Variants in RBFOX1 observed in about 807,000 individuals in gnomAD.
RBFOX1 encodes the protein RNA binding protein fox-1 homolog 1.
A neutral mutation model predicts 57.7 loss-of-function variants in RBFOX1; 8 were observed. The ratio of observed to expected loss-of-function variants is 0.14; its 90% CI spans 0.08 to 0.25. The LOEUF (loss-of-function observed/expected upper bound fraction) is 0.25. Ranked by LOEUF, RBFOX1 falls within the 10% of genes least tolerant of loss-of-function variation. The probability of loss-of-function intolerance (pLI) is 1.00; values close to 1 mark genes in which losing one functional copy is unlikely to be tolerated. For synonymous variants in RBFOX1, 326 were observed against 222.4 expected (o/e 1.47, Z -4.15); for missense variants, 611 against 548.5 (o/e 1.11, Z -1.14).
intron 4 of RBFOX1, among the ~76,000 whole-genome samples, chr16:7,429,300 A>T (rs2149538200): frequency 6.6e-6 from 1 of 152,244 alleles, no homozygotes; most frequent in East Asian, 1.9e-4. Flanking sequence ...GCACTCAGGG[A>T]TCTCAAGGAC....
intron 2 of RBFOX1, among the ~76,000 whole-genome samples, chr16:6,642,453 G>C (rs1225004233): frequency 1.3e-5 from 2 of 152,004 alleles, no homozygotes; most frequent in Non-Finnish European, 2.9e-5. Context: ...CCTGAAACAG[G>C]GATGCCGTTC....
intron 2 of RBFOX1, among the ~76,000 whole-genome samples, chr16:5,525,255 G>C (rs2044194425): frequency 6.6e-6 from 1 of 152,050 alleles, no homozygotes; most frequent in Admixed American, 6.6e-5. Flanking sequence ...CTGTTCCTCA[G>C]CTGAGAAGAC....
intron 13 of RBFOX1, among the ~76,000 whole-genome samples, chr16:7,665,169 G>T (rs1597598270): frequency 2.6e-5 from 4 of 152,122 alleles, no homozygotes; most frequent in Admixed American, 2.6e-4. Context: ...TTAGTGGGGT[G>T]GAATTAACCC....
At chr16:6,310,790 A>G (rs1049519581) in intron 1 of RBFOX1, among the ~76,000 whole-genome samples, 5 of 152,028 alleles carry the variant, frequency 3.3e-5, no homozygotes, top group African/African-American at 1.2e-4. Context: ...GAGTCTATAG[A>G]GATGCTAACT....
At chr16:7,058,454 A>G (rs1292032957) in intron 4 of RBFOX1, among the ~76,000 whole-genome samples, 4 of 152,210 alleles carry the variant, frequency 2.6e-5, no homozygotes, top group African/African-American at 9.6e-5. Context: ...GCCTACTGAG[A>G]TAAAATCTAG....
intron 2 of RBFOX1, among the ~76,000 whole-genome samples, chr16:5,507,222 C>T (rs915051850): frequency 7.2e-5 from 11 of 152,230 alleles, no homozygotes; most frequent in South Asian, 4.2e-4. Flanking sequence ...CCAACCACTG[C>T]GGCCACCATG....
chr16:5,719,899 A>T (rs1419056234), intron 3 of RBFOX1, among the ~76,000 whole-genome samples: 1 of 152,086 alleles, frequency 6.6e-6, no homozygotes, highest in African/African-American at 2.4e-5. Flanking sequence ...GCATGTTTTG[A>T]CTTCTCTCGA....
At chr16:5,564,085 C>A (rs1312723520) in intron 2 of RBFOX1, among the ~76,000 whole-genome samples, 1 of 152,034 alleles carries the variant, frequency 6.6e-6, no homozygotes, top group Non-Finnish European at 1.5e-5. Flanking sequence ...GCGATCTCAG[C>A]TCACTTCAAC....
intron 4 of RBFOX1, among the ~76,000 whole-genome samples, chr16:6,008,421 T>C (rs2094939953): frequency 6.6e-6 from 1 of 151,900 alleles, no homozygotes; most frequent in African/African-American, 2.4e-5. Context: ...ACTAAGACAG[T>C]AGCTTTAGTG....
At chr16:6,666,374 C>T (rs935280057) in intron 3 of RBFOX1, among the ~76,000 whole-genome samples, 1 of 152,000 alleles carries the variant, frequency 6.6e-6, no homozygotes, top group Non-Finnish European at 1.5e-5. Flanking sequence ...GTCTCTACCA[C>T]AAGTACAAAA....
rs532667291 is a variant in RBFOX1 at position 6,236,017 on chromosome 16, CA to C, written c.-126-80972del. ...ATAACCTATGGAAATAAAAAAAATTCAAAAAATAAAGTAGGAAAGAATGACA... is the reference window on the plus strand; with the variant it reads ...ATAACCTATGGAAATAAAAAAAATTCAAAAATAAAGTAGGAAAGAATGACA... On this transcript the variant is annotated intron_variant, in intron 1 of 15. Coordinates refer to ENST00000550418, the MANE Select transcript of RBFOX1 (RefSeq NM_018723.4). 1.2e-4 allele frequency among the ~76,000 whole-genome samples: 19 copies of C among 152,134 alleles called. No homozygotes were observed. In the South Asian group the frequency reaches 3.7e-3, roughly 30 times the overall value.
chr16:5,628,421 T>G (rs954075458), intron 3 of RBFOX1, among the ~76,000 whole-genome samples: 3 of 152,176 alleles, frequency 2.0e-5, no homozygotes, highest in Non-Finnish European at 4.4e-5. Flanking sequence ...GCTCTGAGTT[T>G]TGGGGATAAC....
chr16:6,226,374 CAAA>C (rs368116983), intron 1 of RBFOX1, among the ~76,000 whole-genome samples: 1 of 86,566 alleles, frequency 1.2e-5, no homozygotes, highest in Non-Finnish European at 2.0e-5. Flanking sequence ...ACTCTGTCTC[CAAA>C]AAAAAAAAAA....
At chr16:6,732,495 G>T (rs765663477) in intron 3 of RBFOX1, among the ~76,000 whole-genome samples, 3 of 152,186 alleles carry the variant, frequency 2.0e-5, no homozygotes, top group Non-Finnish European at 4.4e-5. Context: ...CTTCCAGGGG[G>T]ATGGGCTTAG....
At chr16:7,009,926 C>G (rs925372758) in intron 3 of RBFOX1, among the ~76,000 whole-genome samples, 1 of 152,062 alleles carries the variant, frequency 6.6e-6, no homozygotes. Flanking sequence ...ATAAATGGTT[C>G]TTTTGCCATT....
At position 6,681,140 on chromosome 16, in the gene RBFOX1, C is replaced by T. The variant is rs573031820; in HGVS notation, c.-16+26490C>T. Among the ~76,000 whole-genome samples the T allele has an allele frequency of 5.9e-5, 9 of 152,106 alleles. No individual in the cohort carries two copies. The South Asian group carries it at 1.9e-3, about 32-fold the overall frequency. On this transcript the variant is annotated intron_variant, in intron 3 of 15. Transcript: ENST00000550418. ...ATCCTGGGAAACATGGTGAGACCCC[C>T]ATCTCTACTAAAAATACAAAAATTA...
At chr16:5,396,725 A>G (rs190246981) in intron 1 of RBFOX1, among the ~76,000 whole-genome samples, 1 of 152,344 alleles carries the variant, frequency 6.6e-6, no homozygotes, top group African/African-American at 2.4e-5. Flanking sequence ...ACTCATCTGT[A>G]TCGTGGCTTA....
At chr16:6,538,854 C>G (rs1353084505) in intron 2 of RBFOX1, among the ~76,000 whole-genome samples, 1 of 152,030 alleles carries the variant, frequency 6.6e-6, no homozygotes, top group East Asian at 1.9e-4. Flanking sequence ...TAAAATGGTG[C>G]CAAACTTACT....
intron 2 of RBFOX1, among the ~76,000 whole-genome samples, chr16:6,342,995 A>G (rs924455079): frequency 6.6e-6 from 1 of 152,232 alleles, no homozygotes; most frequent in South Asian, 2.1e-4. Flanking sequence ...TTAGGAGACC[A>G]TGGTTTTTGA....
Sources: allele counts gnomAD v4.1 joint callset (sites outside exome capture counted in the v4.1 genomes callset), GRCh38; gene constraint gnomAD v4.1.1; transcripts MANE v1.5; gene names NCBI Gene and HGNC (gene_info 2026-07-23, HGNC 2026-07-21).